CPNE4: variants seen among roughly 807,000 people sequenced by gnomAD.
CPNE4 encodes the protein copine-4.
A neutral mutation model predicts 67.9 loss-of-function variants in CPNE4; 25 were observed. That is an observed-to-expected ratio of 0.37 (90% CI 0.27 to 0.51). The LOEUF is 0.51. Among genes scored for constraint, CPNE4 ranks in the 20% least tolerant of loss-of-function variants. The probability of loss-of-function intolerance (pLI) is 0.93; values close to 1 mark genes in which losing one functional copy is unlikely to be tolerated. For synonymous variants in CPNE4, 242 were observed against 244.9 expected (o/e 0.99, Z 0.11); for missense variants, 464 against 690.8 (o/e 0.67, Z 3.68).
At chr3:131,859,396 C>T (rs1247442329) in intron 2 of CPNE4, among the ~76,000 whole-genome samples, 1 of 152,160 alleles carries the variant, frequency 6.6e-6, no homozygotes, top group African/African-American at 2.4e-5. Context: ...TCATTGTAAA[C>T]CACCTACAGT....
chr3:131,717,731 A>G (rs964828399), intron 3 of CPNE4, among the ~76,000 whole-genome samples: 2 of 152,092 alleles, frequency 1.3e-5, no homozygotes, highest in Non-Finnish European at 2.9e-5. Flanking sequence ...TTCAGTTTAC[A>G]TAACTACTGC....
intron 1 of CPNE4, among the ~76,000 whole-genome samples, chr3:131,993,734 T>C (rs1393125454): frequency 7.4e-6 from 1 of 135,800 alleles, no homozygotes; most frequent in African/African-American, 2.5e-5. Context: ...GATACTAACT[T>C]TACATTTCTC....
At chr3:131,737,088 A>T (rs1208526560) in intron 2 of CPNE4, among the ~76,000 whole-genome samples, 7 of 138,614 alleles carry the variant, frequency 5.0e-5, no homozygotes, top group African/African-American at 1.9e-4. Flanking sequence ...AAGTACATTC[A>T]GTGCCTCTTT....
chr3:132,034,873 A>G lies in CPNE4; in HGVS notation c.-308T>C. On this transcript the variant is annotated 5_prime_UTR_variant, in exon 1 of 16. Coordinates refer to ENST00000429747, the MANE Select transcript of CPNE4 (RefSeq NM_130808.3). The stretch of plus-strand genomic sequence containing the variant: ...AGGTCGGCTCTCAGTTAACTCGGAG[A>G]GTAAAGAGGAGGGTACTGAGAAAAG... The G allele has an allele frequency of 2.0e-6, 2 of 985,156 alleles. No individual in the cohort carries two copies. The highest frequency in any genetic ancestry group is 2.4e-6 in the Non-Finnish European group (2 of 829,914). 61.0% of individuals were successfully genotyped at this position (985,156 alleles called of 1,614,324 possible).
intron 2 of CPNE4, among the ~76,000 whole-genome samples, chr3:131,840,816 A>C (rs769190556): frequency 2.0e-5 from 3 of 152,194 alleles, no homozygotes; most frequent in Non-Finnish European, 4.4e-5. Flanking sequence ...GGGGAGTCTC[A>C]GGTGTGACCA....
chr3:131,933,225 G>A (rs6787442), intron 1 of CPNE4, among the ~76,000 whole-genome samples: 29,171 of 152,032 alleles, frequency 0.19, 3,068 homozygotes, highest in East Asian at 0.31. Context: ...TTGGGAAAGA[G>A]GAAGGATGGA....
chr3:131,702,591 C>T (rs569652256), intron 3 of CPNE4, among the ~76,000 whole-genome samples: 2 of 152,308 alleles, frequency 1.3e-5, no homozygotes, highest in African/African-American at 4.8e-5. Flanking sequence ...CACCTACTCC[C>T]CTGATGTCAG....
At chr3:131,680,982 G>A (rs1244163721) in intron 6 of CPNE4, among the ~76,000 whole-genome samples, 1 of 152,226 alleles carries the variant, frequency 6.6e-6, no homozygotes, top group East Asian at 1.9e-4. Context: ...CCAGGTTGCT[G>A]TGAATGCCAT....
At chr3:131,658,287 G>A (rs145673870) in intron 7 of CPNE4, among the ~76,000 whole-genome samples, 100 of 152,264 alleles carry the variant, frequency 6.6e-4, no homozygotes, top group African/African-American at 2.3e-3. Context: ...GTGAGACGGG[G>A]GACCCTGACT....
chr3:131,736,552 G>A (rs978603562), intron 2 of CPNE4, among the ~76,000 whole-genome samples: 22 of 151,028 alleles, frequency 1.5e-4, no homozygotes, highest in African/African-American at 7.3e-5. Flanking sequence ...CCCGGGAGGC[G>A]GAGGTTGAGC....
chr3:131,935,877 G>A (rs570611623), intron 1 of CPNE4, among the ~76,000 whole-genome samples: 99 of 152,064 alleles, frequency 6.5e-4, no homozygotes, highest in African/African-American at 2.3e-3. Context: ...AGGGGAGAGG[G>A]CAGTGAATGG....
intron 2 of CPNE4, among the ~76,000 whole-genome samples, chr3:131,854,272 CAAA>C (rs939827488): frequency 1.8e-4 from 27 of 151,610 alleles, no homozygotes; most frequent in Admixed American, 1.7e-3. Flanking sequence ...AGTGGCCAAA[CAAA>C]AAAGAGTACA....
At chr3:131,732,608 C>T (rs2082153775) in intron 2 of CPNE4, among the ~76,000 whole-genome samples, 1 of 152,206 alleles carries the variant, frequency 6.6e-6, no homozygotes, top group Non-Finnish European at 1.5e-5. Flanking sequence ...CCGCTGTCTG[C>T]CCACCAAGTC....
At chr3:131,923,916 C>A (rs1371211318) in intron 1 of CPNE4, among the ~76,000 whole-genome samples, 1 of 151,832 alleles carries the variant, frequency 6.6e-6, no homozygotes, top group African/African-American at 2.4e-5. Flanking sequence ...GAATGAGAGA[C>A]TAAAGGGACC....
intron 1 of CPNE4, among the ~76,000 whole-genome samples, chr3:131,913,115 G>A (rs1024695094): frequency 2.0e-5 from 3 of 152,082 alleles, no homozygotes; most frequent in African/African-American, 7.2e-5. Context: ...CATGAGAAGT[G>A]TAAGAGAGGG....
At chr3:131,672,152 A>G (rs1160688850) in intron 6 of CPNE4, among the ~76,000 whole-genome samples, 1 of 152,176 alleles carries the variant, frequency 6.6e-6, no homozygotes, top group Non-Finnish European at 1.5e-5. Context: ...AAATGACAGA[A>G]TTTTATTTGT....
chr3:131,876,498 C>T (rs1465152573), intron 2 of CPNE4, among the ~76,000 whole-genome samples: 3 of 151,402 alleles, frequency 2.0e-5, no homozygotes, highest in Non-Finnish European at 2.9e-5. Flanking sequence ...AAAGATTAGC[C>T]AGATGTGGTG....
chr3:131,768,279 T>C (rs1422775630), intron 2 of CPNE4, among the ~76,000 whole-genome samples: 1 of 152,096 alleles, frequency 6.6e-6, no homozygotes, highest in Non-Finnish European at 1.5e-5. Context: ...ATTTCTTTTG[T>C]TGCATGGAGA....
intron 7 of CPNE4, among the ~76,000 whole-genome samples, chr3:131,599,017 C>A (rs1939059195): frequency 6.6e-6 from 1 of 152,132 alleles, no homozygotes; most frequent in Non-Finnish European, 1.5e-5. Context: ...GACCAGTCTT[C>A]TAACTGTAGC....
Sources: allele counts gnomAD v4.1 joint callset (sites outside exome capture counted in the v4.1 genomes callset), GRCh38; gene constraint gnomAD v4.1.1; transcripts MANE v1.5; gene names NCBI Gene and HGNC (gene_info 2026-07-23, HGNC 2026-07-21).